Variants in NIM1K observed in about 807,000 individuals in gnomAD.
The protein encoded by NIM1K is serine/threonine-protein kinase NIM1.
NIM1K carries 35 observed loss-of-function variants against 37.1 expected under a neutral mutation model. The ratio of observed to expected loss-of-function variants is 0.94; its 90% confidence interval spans 0.72 to 1.25. NIM1K has a LOEUF of 1.25. Among genes scored for constraint, NIM1K ranks in the 50% most tolerant of loss-of-function variants. NIM1K has a pLI of 0.00. For synonymous variants in NIM1K, 234 were observed against 206.6 expected, an observed-to-expected ratio of 1.13 and a Z score of -1.14; for missense variants, 564 against 548.0, an observed-to-expected ratio of 1.03 and a Z score of -0.29.
At chr5:43,262,899 A>G (rs1288432827) in intron 2 of NIM1K, among the ~76,000 whole-genome samples, 3 of 152,002 alleles carry the variant, frequency 2.0e-5, no homozygotes, top group Non-Finnish European at 2.9e-5. Flanking sequence ...TGTTTGTATA[A>G]TGATGGATTA....
chr5:43,219,590 A>C (rs1475560437), intron 1 of NIM1K, among the ~76,000 whole-genome samples: 2 of 152,180 alleles, frequency 1.3e-5, no homozygotes, highest in African/African-American at 2.4e-5. Context: ...TATCCAAATG[A>C]TATCAGGTGA....
intron 2 of NIM1K, among the ~76,000 whole-genome samples, chr5:43,273,028 A>T (rs1243717830): frequency 6.6e-6 from 1 of 152,048 alleles, no homozygotes; most frequent in African/African-American, 2.4e-5. Flanking sequence ...CAGACTTCTC[A>T]TCAGATTTGG....
chr5:43,225,792 A>G (rs1189644165), intron 1 of NIM1K: 1 of 153,260 alleles, frequency 6.5e-6, no homozygotes, highest in East Asian at 1.9e-4. Flanking sequence ...TCTTCATAGT[A>G]TTTGCTTCCT....
At chr5:43,273,402 A>G (rs1753288592) in intron 2 of NIM1K, among the ~76,000 whole-genome samples, 1 of 151,574 alleles carries the variant, frequency 6.6e-6, no homozygotes, top group South Asian at 2.1e-4. Flanking sequence ...ACGGGGTTTC[A>G]CTTTCACCAT....
At chr5:43,259,604 C>T (rs1459793252) in intron 2 of NIM1K, among the ~76,000 whole-genome samples, 1 of 152,084 alleles carries the variant, frequency 6.6e-6, no homozygotes, top group Non-Finnish European at 1.5e-5. Flanking sequence ...TTATTCATAT[C>T]ATTTGCCCAC....
intron 2 of NIM1K, among the ~76,000 whole-genome samples, chr5:43,248,447 G>C (rs1752816143): frequency 6.6e-6 from 1 of 152,168 alleles, no homozygotes. Context: ...AGGAGACAGG[G>C]AGCTATCAGG....
chr5:43,236,883 T>C (rs1159220839), intron 1 of NIM1K, among the ~76,000 whole-genome samples: 1 of 152,228 alleles, frequency 6.6e-6, no homozygotes, highest in Admixed American at 6.5e-5. Flanking sequence ...CAGCGCATAC[T>C]GACTGCTTTT....
intron 2 of NIM1K, among the ~76,000 whole-genome samples, chr5:43,273,868 G>A (rs1356915954): frequency 1.3e-5 from 2 of 152,088 alleles, no homozygotes; most frequent in East Asian, 3.9e-4. Context: ...TTGTAAGAAG[G>A]GATTTTTTTT....
chr5:43,274,587 C>T lies in NIM1K; in HGVS notation c.293-2470C>T, dbSNP rs2111563065. 2.0e-5 allele frequency among the ~76,000 whole-genome samples: 3 copies of T among 152,310 alleles called. No individual in the cohort carries two copies. The South Asian group carries it at 6.2e-4, about 32-fold the overall frequency. ...TAGAAAAGAAAGGGGAAGAAGAGTGCCTCAAGGATTGCCATTGGAGGTTCT... is the reference window on the plus strand; with the variant it reads ...TAGAAAAGAAAGGGGAAGAAGAGTGTCTCAAGGATTGCCATTGGAGGTTCT... On this transcript the variant is annotated intron_variant, in intron 2 of 3. Transcript: ENST00000326035.
At chr5:43,215,241 G>T (rs1016228587) in intron 1 of NIM1K, among the ~76,000 whole-genome samples, 2 of 152,202 alleles carry the variant, frequency 1.3e-5, no homozygotes, top group African/African-American at 4.8e-5. Flanking sequence ...TCCCTGGTGA[G>T]CAACACTTAA....
chr5:43,202,673 G>T (rs906758197), intron 1 of NIM1K, among the ~76,000 whole-genome samples: 1 of 152,182 alleles, frequency 6.6e-6, no homozygotes, highest in Admixed American at 6.5e-5. Flanking sequence ...AGACCCTGAA[G>T]TGCCTCACAT....
At chr5:43,261,790 G>T (rs1198529786) in intron 2 of NIM1K, among the ~76,000 whole-genome samples, 1 of 152,116 alleles carries the variant, frequency 6.6e-6, no homozygotes, top group East Asian at 1.9e-4. Flanking sequence ...TTTTGTATAA[G>T]GTGTAAGGAA....
At chr5:43,213,044 G>A (rs1242404837) in intron 1 of NIM1K, among the ~76,000 whole-genome samples, 1 of 152,002 alleles carries the variant, frequency 6.6e-6, no homozygotes, top group Non-Finnish European at 1.5e-5. Flanking sequence ...GGTGTATTCA[G>A]GCAACTGGTA....
chr5:43,228,172 A>G (rs1752487015), intron 1 of NIM1K, among the ~76,000 whole-genome samples: 1 of 150,008 alleles, frequency 6.7e-6, no homozygotes, highest in Non-Finnish European at 1.5e-5. Context: ...TTTGACTTGG[A>G]GTCTCGCTCT....
At chr5:43,229,640 C>CT (rs34054246) in intron 1 of NIM1K, among the ~76,000 whole-genome samples, 41 of 109,194 alleles carry the variant, frequency 3.8e-4, no homozygotes, top group African/African-American at 1.4e-3. Context: ...AAATTTTAGC[C>CT]TTTTTTTTTT....
intron 1 of NIM1K, among the ~76,000 whole-genome samples, chr5:43,221,820 A>G (rs367748787): frequency 9.2e-5 from 14 of 152,356 alleles, no homozygotes; most frequent in Admixed American, 8.5e-4. Context: ...TATTACAGAG[A>G]AACCATTAGG....
At chr5:43,257,407 A>T (rs1579983295) in intron 2 of NIM1K, among the ~76,000 whole-genome samples, 1 of 119,526 alleles carries the variant, frequency 8.4e-6, no homozygotes. Context: ...TCGCTCTGTC[A>T]CCCAGGCTGG....
intron 2 of NIM1K, among the ~76,000 whole-genome samples, chr5:43,248,015 A>T (rs564218440): frequency 1.3e-5 from 2 of 152,342 alleles, no homozygotes; most frequent in African/African-American, 4.8e-5. Context: ...CCAGAATTTG[A>T]AAAACATAGA....
At chr5:43,231,943 C>T (rs952950679) in intron 1 of NIM1K, 5 of 945,812 alleles carry the variant, frequency 5.3e-6, no homozygotes, top group African/African-American at 1.6e-5. Context: ...CTCTCACCCA[C>T]GTACCAGTGA....
Sources: gnomAD v4.1 joint callset for allele counts (sites outside exome capture counted in the v4.1 genomes callset) on GRCh38, gnomAD v4.1.1 for gene constraint, MANE v1.5 for transcripts, NCBI Gene and HGNC (gene_info 2026-07-23, HGNC 2026-07-21) for gene names.